The following ABR variants were observed in gnomAD, a reference collection of about 807,000 sequenced individuals.
ABR encodes ABR activator of RhoGEF and GTPase.
Under a neutral mutation model 107.2 loss-of-function variants are expected in ABR, and 35 were observed. The ratio of observed to expected loss-of-function variants is 0.33; its 90% confidence interval spans 0.25 to 0.43. The LOEUF is 0.43. Among genes scored for constraint, ABR ranks in the 20% least tolerant of loss-of-function variants. ABR has a pLI of 1.00. For missense variants in ABR, 815 were observed against 1,115.2 expected, an observed-to-expected ratio of 0.73 and a Z score of 3.83; for synonymous variants, 498 against 462.0, an observed-to-expected ratio of 1.08 and a Z score of -1.00.
In ABR at chr17:1,006,170, C is replaced by A; in HGVS notation, c.2491-1G>T. 1 of 1,574,280 alleles carries A rather than the reference C, an allele frequency of 6.4e-7. No homozygotes were observed. Among genetic ancestry groups the A allele is most frequent in the Non-Finnish European group, 8.6e-7 (1 of 1,159,254 alleles). On this transcript the variant is annotated splice_acceptor_variant, in intron 22 of 22. Coordinates refer to ENST00000302538, the MANE Select transcript of ABR (RefSeq NM_021962.5). LOFTEE classifies it high-confidence loss of function. ...GCAGGTAGTAGAGGAGGACCTGGACCTGTGGGGAGACAGGAAGGCGGAGGC... is the reference window on the plus strand; with the variant it reads ...GCAGGTAGTAGAGGAGGACCTGGACATGTGGGGAGACAGGAAGGCGGAGGC...
intron 1 of ABR, among the ~76,000 whole-genome samples, chr17:1,168,008 C>T (rs1446058444): frequency 6.6e-6 from 1 of 151,986 alleles, no homozygotes; most frequent in Non-Finnish European, 1.5e-5. Context: ...AAAAATTAGC[C>T]GGGCGTGGTG....
rs1447773429 is a variant in ABR at position 1,010,659 on chromosome 17, T to G, written c.2236+70A>C. Reference sequence around the variant, plus strand: ...AAGCCACAGATATTTCTCCTGCTGGTTACTTCTCCGGGCAGGGAGTCCTGG... The same window carrying G: ...AAGCCACAGATATTTCTCCTGCTGGGTACTTCTCCGGGCAGGGAGTCCTGG... On this transcript the variant is annotated intron_variant, in intron 20 of 22. Transcript: ENST00000302538. This position sits in a 1 kb window ranked among gnomAD's most constrained non-coding sequence, Gnocchi z 4.1. 2 of 1,574,914 alleles carry G rather than the reference T, an allele frequency of 1.3e-6. No individual in the cohort carries two copies. The highest frequency in any genetic ancestry group is 1.8e-5 in the Admixed American group (1 of 56,886).
upstream of ABR, among the ~76,000 whole-genome samples, chr17:1,190,905 A>G (rs1283270143): frequency 6.6e-6 from 1 of 152,236 alleles, no homozygotes; most frequent in Non-Finnish European, 1.5e-5. Context: ...CTTTCAGTTC[A>G]ATGATGGGAG....
intron 2 of ABR, among the ~76,000 whole-genome samples, chr17:1,124,818 G>A (rs1447755229): frequency 6.6e-6 from 1 of 152,192 alleles, no homozygotes; most frequent in African/African-American, 2.4e-5. Flanking sequence ...GGCCACGCAT[G>A]CAGCCACTGC....
intron 16 of ABR, among the ~76,000 whole-genome samples, chr17:1,020,325 C>T (rs1350973669): frequency 1.3e-5 from 2 of 152,214 alleles, no homozygotes; most frequent in African/African-American, 4.8e-5. Context: ...TCAGGTGATC[C>T]ACCCGCCTCG....
At chr17:1,222,068 T>A (rs2043129510) in intron 1 of ABR, among the ~76,000 whole-genome samples, 1 of 137,472 alleles carries the variant, frequency 7.3e-6, no homozygotes, top group African/African-American at 2.7e-5. Context: ...CCATGGAGGA[T>A]CCCATCTTTT....
At chr17:1,040,069 G>A (rs933667869) in intron 16 of ABR, among the ~76,000 whole-genome samples, 6 of 152,166 alleles carry the variant, frequency 3.9e-5, no homozygotes, top group Non-Finnish European at 8.8e-5. Context: ...GGCCTGGAAC[G>A]GGGAAGCACT....
chr17:1,041,809 C>T (rs757388294), intron 16 of ABR, among the ~76,000 whole-genome samples: 34 of 152,178 alleles, frequency 2.2e-4, no homozygotes, highest in African/African-American at 5.3e-4. Flanking sequence ...GTTGTTCCCG[C>T]GGCCTCAGGG....
At chr17:1,132,441 C>T (rs1184706793) in intron 1 of ABR, among the ~76,000 whole-genome samples, 1 of 146,138 alleles carries the variant, frequency 6.8e-6, no homozygotes, top group South Asian at 2.1e-4. Flanking sequence ...TGCATTGGCA[C>T]GATCTCAGCT....
chr17:1,226,780 G>A (rs1458381777), intron 1 of ABR, among the ~76,000 whole-genome samples: 1 of 151,910 alleles, frequency 6.6e-6, no homozygotes, highest in Non-Finnish European at 1.5e-5. Flanking sequence ...GCATGTGACA[G>A]TGTACCATGT....
chr17:1,147,113 G>GT (rs1265032147), intron 1 of ABR, among the ~76,000 whole-genome samples: 3 of 152,252 alleles, frequency 2.0e-5, no homozygotes, highest in African/African-American at 7.2e-5. Flanking sequence ...CTAACAAACT[G>GT]TAAGTGGACA....
chr17:1,006,217 C>G (rs372014888), intron 22 of ABR, 48 bp from the exon 23 acceptor site: 1 of 1,474,588 alleles, frequency 6.8e-7, no homozygotes, highest in Non-Finnish European at 9.3e-7. Context: ...TCCTAGGCCT[C>G]GTCCTTGCTG....
rs1206968059 is a variant in ABR at position 1,070,249 on chromosome 17, C to A, written c.895-159G>T. 2.0e-5 allele frequency among the ~76,000 whole-genome samples: 3 copies of A among 152,064 alleles called. No homozygotes were observed. The highest frequency in any genetic ancestry group is 4.4e-5 in the Non-Finnish European group (3 of 68,020). On this transcript the variant is annotated intron_variant, in intron 8 of 22. Transcript: ENST00000302538. This position sits in a 1 kb window ranked among gnomAD's most constrained non-coding sequence, Gnocchi z 4.2. ...GTGGTTCAAGCACTGCCTTTGGAGT[C>A]ACATGGGCATGGGTTTGAATGCCAA...
In ABR at chr17:1,011,691, A is replaced by C; in HGVS notation, c.2101+155T>G. The C allele has an allele frequency of 1.2e-6, 1 of 855,178 alleles. No homozygotes were observed. Among genetic ancestry groups the C allele is most frequent in the Non-Finnish European group, 1.7e-6 (1 of 598,598 alleles). The allele number at this position is 855,178 out of a possible 1,614,324, so 53.0% of individuals were successfully genotyped here. A position where few individuals can be genotyped will look rare whatever the true frequency, so the allele number is the denominator to read the frequency against. ...AGCAAGGGACAAGAGATTGGAGGGG[A>C]GGGGATTACAAGAGAAAGCACTTGC... On this transcript the variant is annotated intron_variant, in intron 19 of 22. Transcript: ENST00000302538. This position sits in a 1 kb window ranked among gnomAD's most constrained non-coding sequence, Gnocchi z 4.8.
At chr17:1,095,406 G>A (rs1441329448) in intron 3 of ABR, among the ~76,000 whole-genome samples, 2 of 152,206 alleles carry the variant, frequency 1.3e-5, no homozygotes, top group Non-Finnish European at 2.9e-5. Context: ...AGGGGACAGG[G>A]CTGGGTGTGT....
intron 1 of ABR, among the ~76,000 whole-genome samples, chr17:1,160,155 A>G (rs764977474): frequency 1.3e-5 from 2 of 151,988 alleles, no homozygotes; most frequent in Non-Finnish European, 2.9e-5. Context: ...TCTCTGGTAC[A>G]AGGTTCAAGA....
chr17:1,068,574 C>A (rs2034955458), intron 9 of ABR, among the ~76,000 whole-genome samples: 1 of 152,254 alleles, frequency 6.6e-6, no homozygotes, highest in Non-Finnish European at 1.5e-5. Flanking sequence ...GCTTGGCACA[C>A]TGCAGTTGAT....
chr17:1,146,700 C>T (rs550694896), intron 1 of ABR, among the ~76,000 whole-genome samples: 1 of 151,188 alleles, frequency 6.6e-6, no homozygotes, highest in East Asian at 1.9e-4. Context: ...CCACTGCCAC[C>T]ATGCCACCAC....
At chr17:1,142,323 G>A (rs529926782) in intron 1 of ABR, among the ~76,000 whole-genome samples, 5 of 151,966 alleles carry the variant, frequency 3.3e-5, no homozygotes, top group African/African-American at 9.7e-5. Flanking sequence ...AGTGGCTCAC[G>A]CCTGTCATCC....
Sources: gnomAD v4.1 joint callset for allele counts (sites outside exome capture counted in the v4.1 genomes callset) on GRCh38, gnomAD v4.1.1 for gene constraint, Gnocchi (gnomAD v3.1) non-coding constraint, MANE v1.5 for transcripts, NCBI Gene and HGNC (gene_info 2026-07-23, HGNC 2026-07-21) for gene names.